Variants in ROBO2 observed in about 807,000 individuals in gnomAD.
ROBO2 encodes roundabout homolog 2.
ROBO2 carries 53 observed loss-of-function variants against 160.8 expected under a neutral mutation model. The ratio of observed to expected loss-of-function variants is 0.33; its 90% CI spans 0.26 to 0.41. The LOEUF is 0.41. ROBO2 is among the 10% of genes least tolerant of loss of function. The pLI, the probability that ROBO2 is intolerant of heterozygous loss-of-function variation, is 1.00. For missense variants in ROBO2, 1,577 were observed against 1,722.4 expected, an observed-to-expected ratio of 0.92 and a Z score of 1.49; for synonymous variants, 664 against 611.7, an observed-to-expected ratio of 1.09 and a Z score of -1.26.
chr3:76,105,568 T>C (rs1423759883), intron 2 of ROBO2, among the ~76,000 whole-genome samples: 1 of 152,114 alleles, frequency 6.6e-6, no homozygotes, highest in Non-Finnish European at 1.5e-5. Context: ...TCAGAACCAA[T>C]GGAAAGGTTG....
At chr3:77,541,771 GC>G (rs1185878339) in intron 6 of ROBO2, among the ~76,000 whole-genome samples, 1 of 152,156 alleles carries the variant, frequency 6.6e-6, no homozygotes, top group Non-Finnish European at 1.5e-5. Context: ...TTTTTCCAAT[GC>G]TTTCAGGTTT....
rs544904703 is a variant in ROBO2 at position 76,394,482 on chromosome 3, G to A, written c.109+456880G>A. Among the ~76,000 whole-genome samples, 7 of 152,216 alleles carry A rather than the reference G, an allele frequency of 4.6e-5. No homozygotes were observed. In the South Asian group the frequency reaches 1.0e-3, roughly 23 times the overall value. ...TCTTCTGGCTTGTAGAGTTTCTGCC[G>A]AGAGATCAGCTGTTAGTCTGATGGG... On this transcript the variant is annotated intron_variant, in intron 2 of 26. Coordinates refer to the ROBO2 transcript ENST00000487694.
chr3:75,961,006 TTGAGG>T (rs1368894561), intron 2 of ROBO2, among the ~76,000 whole-genome samples: 2 of 151,680 alleles, frequency 1.3e-5, no homozygotes, highest in Non-Finnish European at 3.0e-5. Flanking sequence ...TTTTGTTAAT[TTGAGG>T]TGTTTTAACT....
chr3:77,273,211 A>G (rs2059614599), intron 2 of ROBO2, among the ~76,000 whole-genome samples: 1 of 152,132 alleles, frequency 6.6e-6, no homozygotes, highest in African/African-American at 2.4e-5. Context: ...TGTGGCACAT[A>G]TACACTATGG....
intron 2 of ROBO2, among the ~76,000 whole-genome samples, chr3:76,147,848 G>T (rs1205488003): frequency 6.6e-6 from 1 of 151,954 alleles, no homozygotes; most frequent in Non-Finnish European, 1.5e-5. Flanking sequence ...AGCTTCTTGT[G>T]GGGTCCTTCA....
chr3:75,914,149 C>G (rs565270730), intron 1 of ROBO2, among the ~76,000 whole-genome samples: 6 of 152,282 alleles, frequency 3.9e-5, no homozygotes, highest in Admixed American at 2.6e-4. Context: ...ATGGATGTGA[C>G]ATGCTTTACT....
chr3:75,968,106 A>G (rs894330972), intron 2 of ROBO2, among the ~76,000 whole-genome samples: 7 of 151,670 alleles, frequency 4.6e-5, no homozygotes, highest in South Asian at 2.1e-4. Flanking sequence ...ACACATGCAC[A>G]CATGATCAGA....
At position 76,249,079 on chromosome 3, in the gene ROBO2, G is replaced by A. The variant is rs34723673; in HGVS notation, c.109+311477G>A. On this transcript the variant is annotated intron_variant, in intron 2 of 26. Transcript: ENST00000487694. ...CTTTGGAATAATTGGTGATGTACATGTGCACATCTTTGATAAGGTCTTCGT... is the reference window on the plus strand; with the variant it reads ...CTTTGGAATAATTGGTGATGTACATATGCACATCTTTGATAAGGTCTTCGT... Among the ~76,000 whole-genome samples the A allele has an allele frequency of 2.5e-3, 388 of 152,244 alleles. 2 individuals are homozygous for A. Among genetic ancestry groups the A allele is most frequent in the Non-Finnish European group, 4.7e-3 (319 of 68,002 alleles).
chr3:77,473,843 C>G (rs2083661472), intron 2 of ROBO2, among the ~76,000 whole-genome samples: 2 of 152,092 alleles, frequency 1.3e-5, no homozygotes. Context: ...TCACTATCTG[C>G]CTAAATAATT....
intron 2 of ROBO2, among the ~76,000 whole-genome samples, chr3:76,062,745 C>G (rs1237817854): frequency 6.6e-6 from 1 of 152,144 alleles, no homozygotes; most frequent in Non-Finnish European, 1.5e-5. Flanking sequence ...ATAGGACTGT[C>G]AGAACATAAT....
rs547773661 is a variant in ROBO2, at chr3:76,395,907, G to T, written c.109+458305G>T. 2.6e-4 allele frequency among the ~76,000 whole-genome samples: 39 copies of T among 152,200 alleles called. 1 individual carries two copies. The highest frequency in any genetic ancestry group is 9.4e-4 in the African/African-American group (39 of 41,506). Reference sequence around the variant, plus strand: ...CTACCAGAGGTACAAGGAGGAACTGGTACTATTCCTTCTGAAACCATTCCA... The same window carrying T: ...CTACCAGAGGTACAAGGAGGAACTGTTACTATTCCTTCTGAAACCATTCCA... On this transcript the variant is annotated intron_variant, in intron 2 of 26. Transcript: ENST00000487694.
chr3:76,959,789 A>G (rs1383270305), intron 2 of ROBO2, among the ~76,000 whole-genome samples: 2 of 152,106 alleles, frequency 1.3e-5, no homozygotes, highest in Admixed American at 6.6e-5. Flanking sequence ...CTTTATTTGA[A>G]TTATTTGAAG....
intron 2 of ROBO2, among the ~76,000 whole-genome samples, chr3:76,165,146 T>A (rs1489361421): frequency 6.6e-6 from 1 of 152,192 alleles, no homozygotes; most frequent in Admixed American, 6.5e-5. Flanking sequence ...CTAGATGGAA[T>A]CTTCTTCCAG....
At chr3:77,193,462 T>TTTTTTGTG (rs1560204164) in intron 2 of ROBO2, among the ~76,000 whole-genome samples, 7 of 101,894 alleles carry the variant, frequency 6.9e-5, no homozygotes, top group East Asian at 2.3e-4. Flanking sequence ...TTTTTTTTTT[T>TTTTTTGTG]AAAGACAGGG....
At chr3:76,297,635 C>T (rs1364053939) in intron 2 of ROBO2, among the ~76,000 whole-genome samples, 2 of 138,210 alleles carry the variant, frequency 1.4e-5, no homozygotes, top group African/African-American at 5.4e-5. Flanking sequence ...TTTATAGCTT[C>T]AGCTTCAGGA....
intron 22 of ROBO2, among the ~76,000 whole-genome samples, chr3:77,620,212 C>T (rs1399135206): frequency 1.3e-5 from 2 of 152,154 alleles, no homozygotes; most frequent in African/African-American, 2.4e-5. Flanking sequence ...GGAAGTGACT[C>T]ACCATCTGGG....
intron 1 of ROBO2, among the ~76,000 whole-genome samples, chr3:75,910,354 C>G (rs748630820): frequency 1.3e-5 from 2 of 152,196 alleles, no homozygotes; most frequent in East Asian, 3.8e-4. Flanking sequence ...TCACATATGT[C>G]ATGCCTATGA....
At chr3:76,157,809 T>C (rs904179893) in intron 2 of ROBO2, among the ~76,000 whole-genome samples, 3 of 152,174 alleles carry the variant, frequency 2.0e-5, no homozygotes, top group African/African-American at 7.2e-5. Flanking sequence ...CTTGTTCCAC[T>C]CTCATAGATT....
chr3:76,591,236 A>G (rs1455967670), intron 2 of ROBO2, among the ~76,000 whole-genome samples: 1 of 152,178 alleles, frequency 6.6e-6, no homozygotes, highest in East Asian at 1.9e-4. Context: ...ATCATAAGAA[A>G]GAGAAAACAT....
Sources: gnomAD v4.1 joint callset for allele counts (sites outside exome capture counted in the v4.1 genomes callset) on GRCh38, gnomAD v4.1.1 for gene constraint, MANE v1.5 for transcripts, NCBI Gene and HGNC (gene_info 2026-07-23, HGNC 2026-07-21) for gene names.